FAM184A: variants seen among roughly 807,000 people sequenced by gnomAD.
The protein encoded by FAM184A is family with sequence similarity 184 member A, also known as protein FAM184A.
Under a neutral mutation model 143.8 loss-of-function variants are expected in FAM184A, and 99 were observed. The ratio of observed to expected loss-of-function variants is 0.69; its 90% CI spans 0.58 to 0.81. The LOEUF is 0.81. Ranked by LOEUF, FAM184A falls within the 40% of genes least tolerant of loss-of-function variation. The pLI, the probability that FAM184A is intolerant of heterozygous loss-of-function variation, is 0.00. For synonymous variants in FAM184A, 427 were observed against 446.4 expected, an observed-to-expected ratio of 0.96 and a Z score of 0.55; for missense variants, 1,217 against 1,310.5, an observed-to-expected ratio of 0.93 and a Z score of 1.10.
intron 1 of FAM184A, among the ~76,000 whole-genome samples, chr6:119,143,493 T>C (rs1772314784): frequency 6.6e-6 from 1 of 152,186 alleles, no homozygotes. Flanking sequence ...ATCAGGGTCT[T>C]GAAGAGATAT....
intron 1 of FAM184A, among the ~76,000 whole-genome samples, chr6:119,055,471 A>G (rs555992127): frequency 6.6e-6 from 1 of 152,336 alleles, no homozygotes; most frequent in South Asian, 2.1e-4. Context: ...CAAACTGTTT[A>G]CCAAAGTGAC....
chr6:119,136,660 A>G (rs1188224821), intron 1 of FAM184A, among the ~76,000 whole-genome samples: 4 of 152,220 alleles, frequency 2.6e-5, no homozygotes, highest in African/African-American at 4.8e-5. Flanking sequence ...AATCTAGATA[A>G]TGGGACTTGT....
intron 1 of FAM184A, among the ~76,000 whole-genome samples, chr6:119,144,169 T>C (rs181388330): frequency 0.23 from 4,963 of 21,700 alleles, 124 homozygotes; most frequent in South Asian, 0.3. Context: ...CTACTAAAAA[T>C]ACAAAAAAAA....
chr6:119,143,533 C>T (rs775133267), intron 1 of FAM184A, among the ~76,000 whole-genome samples: 5 of 152,208 alleles, frequency 3.3e-5, no homozygotes, highest in African/African-American at 4.8e-5. Context: ...GCATTATTCA[C>T]AATAGCCAAG....
At chr6:119,132,685 T>C (rs1474004662) in intron 1 of FAM184A, among the ~76,000 whole-genome samples, 1 of 152,244 alleles carries the variant, frequency 6.6e-6, no homozygotes, top group Non-Finnish European at 1.5e-5. Flanking sequence ...GACTTACAGC[T>C]CTCTTTTCTT....
At chr6:118,987,693 T>C (rs117720371) in intron 9 of FAM184A, among the ~76,000 whole-genome samples, 2,322 of 152,290 alleles carry the variant, frequency 0.015, 29 homozygotes, top group Middle Eastern at 0.044. Flanking sequence ...TCACTAATGC[T>C]AGTTTTTCAA....
At position 119,010,219 on chromosome 6, in the gene FAM184A, C is replaced by T. The variant is rs142216718; in HGVS notation, c.1653+1090G>A. Among the ~76,000 whole-genome samples the T allele has an allele frequency of 2.1e-3, 313 of 152,254 alleles. 2 individuals carry two copies. The highest frequency in any genetic ancestry group is 0.01 in the Middle Eastern group (3 of 294). On this transcript the variant is annotated intron_variant, in intron 6 of 17. Coordinates refer to ENST00000338891, the MANE Select transcript of FAM184A (RefSeq NM_024581.6). ...CAGTGCTGAAATTTTGTCAACAATCCGTAGTTATCTGCTTAGGTTAAATAC... is the reference window on the plus strand; with the variant it reads ...CAGTGCTGAAATTTTGTCAACAATCTGTAGTTATCTGCTTAGGTTAAATAC...
At chr6:119,048,801 ACT>A (rs1346246215) in intron 1 of FAM184A, among the ~76,000 whole-genome samples, 100 of 151,962 alleles carry the variant, frequency 6.6e-4, no homozygotes, top group African/African-American at 2.2e-3. Flanking sequence ...GTAGTGGGGG[ACT>A]GGTTGAAAGA....
At chr6:118,976,461 G>A (rs961370502) in intron 11 of FAM184A, among the ~76,000 whole-genome samples, 2 of 151,908 alleles carry the variant, frequency 1.3e-5, no homozygotes, top group Admixed American at 6.6e-5. Context: ...TCAGGAGTTC[G>A]AGACCAGCCT....
intron 1 of FAM184A, among the ~76,000 whole-genome samples, chr6:119,055,913 C>G (rs547804345): frequency 1.3e-4 from 20 of 151,576 alleles, no homozygotes; most frequent in Admixed American, 1.1e-3. Flanking sequence ...TGGGGCCTGG[C>G]CTTTATTATA....
intron 14 of FAM184A, among the ~76,000 whole-genome samples, chr6:118,970,008 A>ATAT: frequency 1.6e-4 from 3 of 19,052 alleles, no homozygotes; most frequent in Non-Finnish European, 2.3e-4. Flanking sequence ...ATATATATAT[A>ATAT]TTTTTTTTTT....
At chr6:118,960,992 C>A (rs1049510845) in intron 17 of FAM184A, 45 of 312,550 alleles carry the variant, frequency 1.4e-4, no homozygotes, top group Non-Finnish European at 1.9e-4. Context: ...TGTCACTAAT[C>A]ACTTAGCCTA....
At chr6:119,113,866 C>T (rs1411431986) in intron 1 of FAM184A, among the ~76,000 whole-genome samples, 1 of 152,008 alleles carries the variant, frequency 6.6e-6, no homozygotes, top group Non-Finnish European at 1.5e-5. Context: ...TGCTTGAACC[C>T]GGGAGGCAGA....
chr6:118,960,078 A>G lies in FAM184A; in HGVS notation c.*25T>C, dbSNP rs747246227. 2 of 1,581,540 alleles carry G rather than the reference A, an allele frequency of 1.3e-6. No homozygotes were observed. Among genetic ancestry groups the G allele is most frequent in the Middle Eastern group, 1.7e-4 (1 of 5,958 alleles). ...AGTCATGCTCTTAGTAACAGTCTAT[A>G]CAGAGCTGTGCCAACACAATTCTTT... On this transcript the variant is annotated 3_prime_UTR_variant, in exon 18 of 18. Coordinates refer to ENST00000338891, the MANE Select transcript of FAM184A (RefSeq NM_024581.6).
At chr6:119,003,388 T>C (rs180990420) in intron 8 of FAM184A, 113 bp downstream of exon 8, 2 of 1,069,050 alleles carry the variant, frequency 1.9e-6, no homozygotes, top group East Asian at 5.5e-5. Context: ...TCACAGGAAA[T>C]TTTAATTTAA....
intron 1 of FAM184A, among the ~76,000 whole-genome samples, chr6:119,109,955 G>A (rs1194207427): frequency 1.3e-5 from 2 of 152,122 alleles, no homozygotes; most frequent in African/African-American, 4.8e-5. Context: ...TATATTTATT[G>A]TCTTTATCTT....
intron 1 of FAM184A, among the ~76,000 whole-genome samples, chr6:119,109,054 T>C (rs991407358): frequency 5.6e-5 from 8 of 142,900 alleles, no homozygotes; most frequent in African/African-American, 2.1e-4. Flanking sequence ...ATTTCTTCAA[T>C]ATTCTCTCTT....
rs1044836344 is a variant in FAM184A, at chr6:119,116,374, A to G, written c.-202+32704T>C. ...CACTAGATGAGGGAGGGAGGGGGGC[A>G]TGGGCTAAAGGACCCCATGTTGGGT... On this transcript the variant is annotated intron_variant, in intron 1 of 16. Transcript: ENST00000352896. Among the ~76,000 whole-genome samples the G allele has an allele frequency of 2.3e-3, 347 of 152,196 alleles. 7 individuals carry two copies. The highest frequency in any genetic ancestry group is 1.5e-3 in the Non-Finnish European group (103 of 67,990).
chr6:119,135,714 A>C (rs1179769409), intron 1 of FAM184A, among the ~76,000 whole-genome samples: 1 of 152,186 alleles, frequency 6.6e-6, no homozygotes, highest in African/African-American at 2.4e-5. Flanking sequence ...ATTTGTTCTC[A>C]GAATTCCCTC....
Sources: allele counts gnomAD v4.1 joint callset (sites outside exome capture counted in the v4.1 genomes callset), GRCh38; gene constraint gnomAD v4.1.1; transcripts MANE v1.5; gene names NCBI Gene and HGNC (gene_info 2026-07-23, HGNC 2026-07-21).